Variants in PIEZO2 observed in about 807,000 individuals in gnomAD.
PIEZO2 encodes piezo type mechanosensitive ion channel component 2.
In PIEZO2, 172 loss-of-function variants were observed where a neutral mutation model predicts 337.3. The observed-to-expected ratio is 0.51, with a 90% CI of 0.45 to 0.58. PIEZO2 has a LOEUF of 0.58. PIEZO2 is among the 20% of genes least tolerant of loss of function. The pLI, the probability that PIEZO2 is intolerant of heterozygous loss-of-function variation, is 0.00. For synonymous variants in PIEZO2, 1,251 were observed against 1,228.5 expected (o/e 1.02, Z -0.38); for missense variants, 3,028 against 3,391.3 (o/e 0.89, Z 2.66).
rs376897491 is a variant in PIEZO2 at position 10,705,457 on chromosome 18, C to T, written c.5878G>A (p.Asp1960Asn). Reference sequence around the variant, plus strand: ...GCCATACGGTTCTTGCCTGCAGAGTCGTCCTGCGAGCCGAAGGACAGATGC... The same window carrying T: ...GCCATACGGTTCTTGCCTGCAGAGTTGTCCTGCGAGCCGAAGGACAGATGC... ...FEHLSFGSQD[D>N]SAGKNRMAVS... The change falls in exon 41 of 56, where the codon GAC (aspartate) becomes AAC (asparagine). Residue 1960 changes from aspartate to asparagine, a missense_variant. By Grantham distance (23) the Asp-to-Asn change is conservative. Coordinates refer to ENST00000674853, the MANE Select transcript of PIEZO2 (RefSeq NM_001378183.1). 2.5e-5 allele frequency: 39 copies of T among 1,537,094 alleles called. No individual in the cohort carries two copies. The African/African-American group carries it at 4.1e-4, about 16-fold the overall frequency.
At chr18:10,770,376 G>A (rs1490226852) in intron 20 of PIEZO2, 68 bp from the exon 21 acceptor site, 1 of 1,417,484 alleles carries the variant, frequency 7.1e-7, no homozygotes, top group African/African-American at 1.4e-5. Flanking sequence ...AGCATATCTT[G>A]TAACTTTCAG....
intron 4 of PIEZO2, among the ~76,000 whole-genome samples, chr18:10,909,166 C>T (rs2145059176): frequency 6.6e-6 from 1 of 152,172 alleles, no homozygotes; most frequent in East Asian, 1.9e-4. Flanking sequence ...GAAGTCAACA[C>T]ATATATGTTC....
At chr18:10,936,932 T>G (rs2032433619) in intron 3 of PIEZO2, among the ~76,000 whole-genome samples, 1 of 152,186 alleles carries the variant, frequency 6.6e-6, no homozygotes, top group Admixed American at 6.5e-5. Flanking sequence ...TCCCTCCTTG[T>G]GAATCCCCCC....
intron 4 of PIEZO2, among the ~76,000 whole-genome samples, chr18:10,904,913 G>A (rs762746381): frequency 6.6e-6 from 1 of 152,182 alleles, no homozygotes; most frequent in Non-Finnish European, 1.5e-5. Flanking sequence ...GTAAGTATTT[G>A]ATAAATCACA....
chr18:10,717,850 T>C lies in PIEZO2; in HGVS notation c.5089+350A>G, dbSNP rs115975596. On this transcript the variant is annotated intron_variant, in intron 37 of 55. Transcript: ENST00000674853. ...CTCATTTACCTCCTCCTCTCTGTGT[T>C]TTTTAAAAATAATTGCCAGTATTTT... is the stretch of plus-strand genomic sequence containing the variant. 7.1e-3 allele frequency among the ~76,000 whole-genome samples: 1,088 copies of C among 152,314 alleles called. 14 individuals are homozygous for C. Among genetic ancestry groups the C allele is most frequent in the African/African-American group, 0.025 (1,024 of 41,566 alleles).
chr18:10,943,623 C>G lies in PIEZO2; in HGVS notation c.287-32395G>C, dbSNP rs2032840127. On this transcript the variant is annotated intron_variant, in intron 3 of 55. Transcript: ENST00000674853. The surrounding 1 kb of genome is among the most constrained non-coding windows in gnomAD (Gnocchi z 4.5). ...AGGCTCATAAGCAGGAAGGAACTTG[C>G]CTTGTCTTGGATAATACTTTGCACT... Among the ~76,000 whole-genome samples the G allele has an allele frequency of 6.6e-6, 1 of 152,140 alleles. No homozygotes were observed. The highest frequency in any genetic ancestry group is 2.4e-5 in the African/African-American group (1 of 41,422).
At chr18:10,798,728 G>T (rs981279596) in intron 11 of PIEZO2, among the ~76,000 whole-genome samples, 6 of 152,190 alleles carry the variant, frequency 3.9e-5, no homozygotes, top group Non-Finnish European at 8.8e-5. Context: ...TAAGTAGAAG[G>T]TTGTCTAGGC....
intron 52 of PIEZO2, 62 bp downstream of exon 52, chr18:10,680,137 C>A: frequency 2.8e-6 from 4 of 1,407,592 alleles, no homozygotes; most frequent in Non-Finnish European, 3.9e-6. Flanking sequence ...CACCCTCCCT[C>A]CCCCAACTCC....
At chr18:10,757,680 C>T (rs1301541544) in intron 27 of PIEZO2, among the ~76,000 whole-genome samples, 3 of 151,636 alleles carry the variant, frequency 2.0e-5, no homozygotes, top group African/African-American at 7.3e-5. Context: ...AGCAGGAGGA[C>T]CCTCCACTGG....
chr18:11,059,165 A>C (rs1261037305), intron 2 of PIEZO2, among the ~76,000 whole-genome samples: 2 of 152,234 alleles, frequency 1.3e-5, no homozygotes, highest in East Asian at 3.8e-4. Context: ...TAAGCTTCAT[A>C]AGTGAAGGAG....
rs149665275 is a variant in PIEZO2, at chr18:10,973,316, T to C, written c.286+6219A>G. On this transcript the variant is annotated intron_variant, in intron 3 of 55. Coordinates refer to ENST00000674853, the MANE Select transcript of PIEZO2 (RefSeq NM_001378183.1). This position sits in a 1 kb window ranked among gnomAD's most constrained non-coding sequence, Gnocchi z 4.9. ...CTCCAAGAGCGTTGACTCCATCAGATATTGGGCTACAAAAGTTCTCTTTCA... is the reference window on the plus strand; with the variant it reads ...CTCCAAGAGCGTTGACTCCATCAGACATTGGGCTACAAAAGTTCTCTTTCA... Among the ~76,000 whole-genome samples the C allele has an allele frequency of 2.9e-3, 439 of 152,282 alleles. 1 individual carries two copies. The highest frequency in any genetic ancestry group is 1.0e-2 in the African/African-American group (414 of 41,554).
intron 1 of PIEZO2, among the ~76,000 whole-genome samples, chr18:11,142,489 A>T (rs752470396): frequency 1.1e-4 from 16 of 152,228 alleles, no homozygotes; most frequent in Non-Finnish European, 2.4e-4. Flanking sequence ...CATTTAAAAA[A>T]TGTTTTCCAG....
chr18:10,751,794 T>A (rs1328490882), intron 28 of PIEZO2, among the ~76,000 whole-genome samples: 1 of 152,180 alleles, frequency 6.6e-6, no homozygotes, highest in African/African-American at 2.4e-5. Flanking sequence ...AGCTATTAAC[T>A]CCTTCAGCTC....
rs2041879318 is a variant in PIEZO2 at position 10,861,766 on chromosome 18, C to T, written c.493-4555G>A. ...GGCACAGTGGTTCATGCCTATAATCCCAGCACCTTGGGAAGCTGAGGCAGG... is the reference window on the plus strand; with the variant it reads ...GGCACAGTGGTTCATGCCTATAATCTCAGCACCTTGGGAAGCTGAGGCAGG... On this transcript the variant is annotated intron_variant, in intron 5 of 55. Coordinates refer to ENST00000674853, the MANE Select transcript of PIEZO2 (RefSeq NM_001378183.1). This position sits in a 1 kb window ranked among gnomAD's most constrained non-coding sequence, Gnocchi z 4.3. 6.6e-6 allele frequency among the ~76,000 whole-genome samples: 1 copy of T among 152,156 alleles called. No individual in the cohort carries two copies. The highest frequency in any genetic ancestry group is 1.5e-5 in the Non-Finnish European group (1 of 68,038).
chr18:11,076,555 T>G (rs192470835), intron 1 of PIEZO2, among the ~76,000 whole-genome samples: 1,816 of 91,222 alleles, frequency 0.02, 19 homozygotes, highest in South Asian at 0.14. Context: ...TCTTAGTTTG[T>G]TTTTTTTTGG....
chr18:10,786,991 T>C, intron 16 of PIEZO2, 45 bp downstream of exon 16: 1 of 1,479,646 alleles, frequency 6.8e-7, no homozygotes, highest in South Asian at 1.2e-5. Flanking sequence ...CAATATGCAT[T>C]CAAGTCTTCA....
In PIEZO2 at chr18:10,776,560, T is replaced by C. The variant is rs531772736; in HGVS notation, c.2535-2522A>G. 2.6e-5 allele frequency among the ~76,000 whole-genome samples: 4 copies of C among 152,330 alleles called. No homozygotes were observed. The South Asian group carries it at 8.3e-4, about 32-fold the overall frequency. ...TCTTTAACAGAACTTGGCTATTTTA[T>C]AGAAGGCCATTCAGAAGAAAAAAAA... On this transcript the variant is annotated intron_variant, in intron 18 of 55. Transcript: ENST00000674853.
chr18:10,725,883 G>A (rs1285549027), intron 36 of PIEZO2, among the ~76,000 whole-genome samples: 1 of 152,198 alleles, frequency 6.6e-6, no homozygotes, highest in Non-Finnish European at 1.5e-5. Context: ...TGGTTTAGGA[G>A]GCGACTGGCC....
intron 4 of PIEZO2, among the ~76,000 whole-genome samples, chr18:10,906,181 A>G (rs1487197919): frequency 1.3e-5 from 2 of 152,206 alleles, no homozygotes; most frequent in African/African-American, 4.8e-5. Flanking sequence ...GGCTATTTTC[A>G]GGGTGATTTC....
Sources: gnomAD v4.1 joint callset for allele counts (sites outside exome capture counted in the v4.1 genomes callset) on GRCh38, gnomAD v4.1.1 for gene constraint, Gnocchi (gnomAD v3.1) non-coding constraint, MANE v1.5 for transcripts, NCBI Gene and HGNC (gene_info 2026-07-23, HGNC 2026-07-21) for gene names.